KCNK9: variants seen among roughly 807,000 people sequenced by gnomAD.
KCNK9 encodes potassium channel subfamily K member 9.
In KCNK9, 1 loss-of-function variant was observed where a neutral mutation model predicts 10.8. The ratio of observed to expected loss-of-function variants is 0.09; its 90% CI spans 0.03 to 0.44. The LOEUF (loss-of-function observed/expected upper bound fraction) is 0.44, where lower values mean the gene tolerates loss of function less well. KCNK9 is among the 20% of genes least tolerant of loss of function. The pLI, the probability that KCNK9 is intolerant of heterozygous loss-of-function variation, is 0.97. For missense variants in KCNK9, 303 were observed against 515.0 expected (o/e 0.59, Z 3.98); for synonymous variants, 231 against 222.7 (o/e 1.04, Z -0.33).
At chr8:139,654,271 G>A (rs1483585876) in intron 1 of KCNK9, among the ~76,000 whole-genome samples, 1 of 152,206 alleles carries the variant, frequency 6.6e-6, no homozygotes, top group Non-Finnish European at 1.5e-5. Context: ...CCAGATCGCT[G>A]GGTGCCCTGG....
downstream of KCNK9, among the ~76,000 whole-genome samples, chr8:139,609,168 C>A (rs892986597): frequency 2.9e-5 from 4 of 137,802 alleles, no homozygotes; most frequent in African/African-American, 1.1e-4. Context: ...AGTCAGGACA[C>A]CTGACTTGGA....
chr8:139,702,330 A>G lies in KCNK9; in HGVS notation c.283+380T>C, dbSNP rs1384100569. 2.0e-5 allele frequency among the ~76,000 whole-genome samples: 3 copies of G among 152,264 alleles called. No individual in the cohort carries two copies. In the East Asian group the frequency reaches 5.8e-4, roughly 29 times the overall value. On this transcript the variant is annotated intron_variant, in intron 1 of 1. Transcript: ENST00000520439. The surrounding 1 kb of genome is among the most constrained non-coding windows in gnomAD (Gnocchi z 7.5). ...AACTCCCAGAGAGGTAGTAAGTGTA[A>G]GGCTCAGAGCCCCGCGCAGCCCAGC...
chr8:139,645,689 C>T (rs551720240), intron 1 of KCNK9, among the ~76,000 whole-genome samples: 1 of 152,152 alleles, frequency 6.6e-6, no homozygotes, highest in Non-Finnish European at 1.5e-5. Flanking sequence ...GCTTGTTTTG[C>T]AGAGAGCTTC....
chr8:139,694,265 C>T (rs1347526351), intron 1 of KCNK9, among the ~76,000 whole-genome samples: 2 of 152,152 alleles, frequency 1.3e-5, no homozygotes, highest in Non-Finnish European at 2.9e-5. Context: ...AATGAGCACG[C>T]CCAAATGACC....
At chr8:139,688,251 T>C (rs1448938096) in intron 1 of KCNK9, among the ~76,000 whole-genome samples, 1 of 152,196 alleles carries the variant, frequency 6.6e-6, no homozygotes, top group Admixed American at 6.5e-5. Flanking sequence ...CTCAGGTCCC[T>C]TCATGACTGT....
intron 1 of KCNK9, among the ~76,000 whole-genome samples, chr8:139,692,440 C>T (rs904022362): frequency 1.3e-5 from 2 of 152,316 alleles, no homozygotes; most frequent in South Asian, 4.1e-4. Context: ...AAACACTCTG[C>T]CGTTGCTTGC....
downstream of KCNK9, among the ~76,000 whole-genome samples, chr8:139,609,352 A>C (rs1313130640): frequency 1.3e-5 from 2 of 149,700 alleles, no homozygotes. Flanking sequence ...TTTGGGCCCC[A>C]GCTGAGCTAA....
intron 1 of KCNK9, among the ~76,000 whole-genome samples, chr8:139,683,379 A>G (rs1816730221): frequency 6.6e-6 from 1 of 152,080 alleles, no homozygotes; most frequent in South Asian, 2.1e-4. Context: ...TCTCCTGCCA[A>G]AAGCATTCCC....
intron 1 of KCNK9, among the ~76,000 whole-genome samples, chr8:139,638,176 ACTCAACCCAAATGT>A (rs933132895): frequency 4.6e-5 from 7 of 151,778 alleles, no homozygotes; most frequent in African/African-American, 1.7e-4. Flanking sequence ...ATCCTTCAAA[ACTCAACCCAAATGT>A]CCCCATCTCC....
At chr8:139,684,673 C>A (rs1816753324) in intron 1 of KCNK9, among the ~76,000 whole-genome samples, 1 of 152,172 alleles carries the variant, frequency 6.6e-6, no homozygotes, top group Non-Finnish European at 1.5e-5. Flanking sequence ...ATGCATCCAA[C>A]CACATAGCTT....
At chr8:139,685,788 G>T (rs1449129118) in intron 1 of KCNK9, among the ~76,000 whole-genome samples, 1 of 152,098 alleles carries the variant, frequency 6.6e-6, no homozygotes, top group Non-Finnish European at 1.5e-5. Flanking sequence ...AACCCTTTGG[G>T]TATATACCCA....
At chr8:139,609,761 T>A (rs1814362061), downstream of KCNK9, among the ~76,000 whole-genome samples, 1 of 151,966 alleles carries the variant, frequency 6.6e-6, no homozygotes, top group African/African-American at 2.4e-5. Flanking sequence ...CATCTGAGAG[T>A]CACCTGCAAC....
chr8:139,691,795 G>A lies in KCNK9; in HGVS notation c.283+10915C>T, dbSNP rs1012401333. Among the ~76,000 whole-genome samples the A allele has an allele frequency of 7.9e-5, 12 of 152,142 alleles. 1 individual carries two copies. The South Asian group carries it at 2.5e-3, about 32-fold the overall frequency. On this transcript the variant is annotated intron_variant, in intron 1 of 1. Transcript: ENST00000520439. ...TGCTATGCATATCACCACAGACCCCGTGGGCACCTCCCAATACCTGACTCC... is the reference window on the plus strand; with the variant it reads ...TGCTATGCATATCACCACAGACCCCATGGGCACCTCCCAATACCTGACTCC...
At chr8:139,601,174 T>G (rs979303848) in exon 3 of KCNK9, 1 of 152,222 alleles carries the variant, frequency 6.6e-6, no homozygotes, top group African/African-American at 2.4e-5. Context: ...GATTCTTGGT[T>G]GGTGAGGCTG....
downstream of KCNK9, among the ~76,000 whole-genome samples, chr8:139,608,221 G>A (rs80275892): frequency 0.045 from 6,875 of 152,250 alleles, 494 homozygotes; most frequent in African/African-American, 0.15. Flanking sequence ...GGTGACAAGG[G>A]CAAGTCCTGC....
At chr8:139,662,057 A>C (rs1816165350) in intron 1 of KCNK9, among the ~76,000 whole-genome samples, 2 of 152,080 alleles carry the variant, frequency 1.3e-5, no homozygotes, top group African/African-American at 4.8e-5. Flanking sequence ...GGCCAGGCTG[A>C]CCTTCACTGA....
rs1390512042 is a variant in KCNK9 at position 139,682,823 on chromosome 8, G to A, written c.283+19887C>T. Among the ~76,000 whole-genome samples the A allele has an allele frequency of 2.0e-5, 3 of 152,132 alleles. No homozygotes were observed. In the South Asian group the frequency reaches 6.2e-4, roughly 32 times the overall value. On this transcript the variant is annotated intron_variant, in intron 1 of 1. Transcript: ENST00000520439. ...CGTAGTGCAGTGTTGCATAATGCCTGGTGACCCCCCCACACCCGCCCTTTA... is the reference window on the plus strand; with the variant it reads ...CGTAGTGCAGTGTTGCATAATGCCTAGTGACCCCCCCACACCCGCCCTTTA...
In KCNK9 at chr8:139,618,717, G is replaced by A. The variant is rs1344837369; in HGVS notation, c.666C>T (p.Ala222=). Residue 222 remains alanine (A), a synonymous_variant, in exon 2 of 2, where the codon GCC becomes GCT. Coordinates refer to ENST00000520439, the MANE Select transcript of KCNK9 (RefSeq NM_001282534.2). This position sits in a 1 kb window ranked among gnomAD's most constrained non-coding sequence, Gnocchi z 7.9. ...CCACCAGGATATACATAAAGCTAAAGGCCACGTAGAGCGGCTTCTTCTGCA... is the reference window on the plus strand; with the variant it reads ...CCACCAGGATATACATAAAGCTAAAAGCCACGTAGAGCGGCTTCTTCTGCA... ...GALQKKPLYV[A]FSFMYILVGL... The A allele has an allele frequency of 6.2e-7, 1 of 1,614,196 alleles. No homozygotes were observed. The highest frequency in any genetic ancestry group is 8.5e-7 in the Non-Finnish European group (1 of 1,180,038).
intron 1 of KCNK9, among the ~76,000 whole-genome samples, chr8:139,650,482 C>A (rs1815829203): frequency 6.6e-6 from 1 of 152,114 alleles, no homozygotes; most frequent in Non-Finnish European, 1.5e-5. Context: ...AACTGGGTCC[C>A]CTGTGTGCAC....
Sources: gnomAD v4.1 joint callset for allele counts (sites outside exome capture counted in the v4.1 genomes callset) on GRCh38, gnomAD v4.1.1 for gene constraint, Gnocchi (gnomAD v3.1) non-coding constraint, MANE v1.5 for transcripts, NCBI Gene and HGNC (gene_info 2026-07-23, HGNC 2026-07-21) for gene names.